UBE2J2: variants seen among roughly 807,000 people sequenced by gnomAD.
UBE2J2 encodes the protein ubiquitin conjugating enzyme E2 J2.
UBE2J2 carries 5 observed loss-of-function variants against 28.6 expected under a neutral mutation model. That is an observed-to-expected ratio of 0.17 (90% CI 0.09 to 0.37). The LOEUF (loss-of-function observed/expected upper bound fraction) is 0.37, where lower values mean the gene tolerates loss of function less well. UBE2J2 is among the 10% of genes least tolerant of loss of function. UBE2J2 has a pLI of 1.00. For missense variants in UBE2J2, 226 were observed against 338.9 expected, an observed-to-expected ratio of 0.67 and a Z score of 2.62; for synonymous variants, 138 against 139.7, an observed-to-expected ratio of 0.99 and a Z score of 0.09.
rs369784435 is a variant in UBE2J2, at chr1:1,257,112, C to T, written c.294G>A (p.Thr98=). 25 of 1,611,772 alleles carry T rather than the reference C, an allele frequency of 1.6e-5. No homozygotes were observed. The African/African-American group carries it at 3.1e-4, about 20-fold the overall frequency. Reference sequence around the variant, plus strand: ...GGTTCCACGTGTCCGGGTGGAAATCCGTGATAGAAAGACACAGCCTGCAAA... The same window carrying T: ...GGTTCCACGTGTCCGGGTGGAAATCTGTGATAGAAAGACACAGCCTGCAAA... ...KCNTRLCLSI[T]DFHPDTWNPA... The change falls in exon 5 of 7, where the codon ACG becomes ACA. Residue 98 remains threonine (T), a synonymous_variant. Transcript: ENST00000349431.
rs1024197290 is a variant in UBE2J2 at position 1,268,714 on chromosome 1, G to A, written c.1-722C>T. Among the ~76,000 whole-genome samples, 10 of 152,316 alleles carry A rather than the reference G, an allele frequency of 6.6e-5. No individual in the cohort carries two copies. Among genetic ancestry groups the A allele is most frequent in the Admixed American group, 2.6e-4 (4 of 15,304 alleles). ...ATAAGAGTTTATTTACTTATTTTTC[G>A]TGAGACAGGGTCTTGCTCTGTCGCC... On this transcript the variant is annotated intron_variant, in intron 1 of 6. Coordinates refer to ENST00000349431, the MANE Select transcript of UBE2J2 (RefSeq NM_058167.3). The surrounding 1 kb of genome is among the most constrained non-coding windows in gnomAD (Gnocchi z 4.7).
At chr1:1,260,404 G>A (rs1639487337) in intron 3 of UBE2J2, among the ~76,000 whole-genome samples, 1 of 152,234 alleles carries the variant, frequency 6.6e-6, no homozygotes, top group Non-Finnish European at 1.5e-5. Flanking sequence ...GAGCGCAGAG[G>A]GTGCTGGGAG....
chr1:1,256,886 A>AAG, intron 5 of UBE2J2, 106 bp downstream of exon 5: 51 of 1,048,184 alleles, frequency 4.9e-5, no homozygotes, highest in Middle Eastern at 3.5e-4. Context: ...ACTCCGTCTC[A>AAG]AGAAAAAAAA....
intron 2 of UBE2J2, among the ~76,000 whole-genome samples, chr1:1,267,039 C>T (rs931366951): frequency 1.3e-5 from 2 of 151,826 alleles, no homozygotes; most frequent in Admixed American, 1.3e-4. Context: ...CAGGTGTGCG[C>T]CATCATGCCC....
chr1:1,273,295 G>C (rs140729497), intron 1 of UBE2J2: 73 of 152,406 alleles, frequency 4.8e-4, no homozygotes, highest in African/African-American at 1.7e-3. Context: ...GCAGTCTGGA[G>C]TCTAACAGTT....
chr1:1,255,976 C>A (rs963040199), intron 6 of UBE2J2, 69 bp downstream of exon 6: 10 of 1,167,258 alleles, frequency 8.6e-6, no homozygotes, highest in Non-Finnish European at 1.3e-5. Context: ...AGATTTTACT[C>A]TTTGGAAAGA....
intron 5 of UBE2J2, 104 bp downstream of exon 5, chr1:1,256,888 G>GGAA: frequency 5.9e-6 from 3 of 511,090 alleles, no homozygotes; most frequent in Non-Finnish European, 7.9e-6. Context: ...TCCGTCTCAA[G>GGAA]AAAAAAAAAA....
At position 1,254,989 on chromosome 1, in the gene UBE2J2, G is replaced by A. The variant is rs1017841895; in HGVS notation, c.*214C>T. On this transcript the variant is annotated 3_prime_UTR_variant, in exon 7 of 7. Transcript: ENST00000349431. ...CAGCACACAAGGCCCACCCACACCA[G>A]CCCCAGCGGCCCGTGGCCAGGACAG... The A allele has an allele frequency of 5.7e-6, 3 of 523,972 alleles. No homozygotes were observed. The African/African-American group carries it at 5.8e-5, about 10-fold the overall frequency. The allele number at this position is 523,972 out of a possible 1,614,324, so 32.5% of individuals were successfully genotyped here.
chr1:1,262,701 C>T (rs960205221), intron 3 of UBE2J2, among the ~76,000 whole-genome samples: 1 of 152,102 alleles, frequency 6.6e-6, no homozygotes, highest in Admixed American at 6.5e-5. Context: ...GACTACTGAC[C>T]TGGTCCAGAT....
At position 1,254,017 on chromosome 1, in the gene UBE2J2, C is replaced by T. The variant is rs1199632215; in HGVS notation, c.*1186G>A. 6.6e-6 allele frequency: 1 copy of T among 152,230 alleles called. No homozygotes were observed. Among genetic ancestry groups the T allele is most frequent in the African/African-American group, 2.4e-5 (1 of 41,464 alleles). 9.4% of individuals were successfully genotyped at this position (152,230 alleles called of 1,614,324 possible). On this transcript the variant is annotated 3_prime_UTR_variant, in exon 7 of 7. Coordinates refer to ENST00000349431, the MANE Select transcript of UBE2J2 (RefSeq NM_058167.3). ...AATTCTGAATAAACTGATCAAAAAACGAAGAAAGATGAGCGCGTGCGGGCT... is the reference window on the plus strand; with the variant it reads ...AATTCTGAATAAACTGATCAAAAAATGAAGAAAGATGAGCGCGTGCGGGCT...
intron 2 of UBE2J2, among the ~76,000 whole-genome samples, chr1:1,266,963 ACTGCAAGCTCCGC>A (rs1639904446): frequency 1.3e-5 from 2 of 151,848 alleles, no homozygotes; most frequent in African/African-American, 4.8e-5. Context: ...ATCTCAGCTC[ACTGCAAGCTCCGC>A]CTCCCGGGTT....
rs1216598164 is a variant in UBE2J2, at chr1:1,268,298, G to T, written c.1-306C>A. 6.6e-6 allele frequency among the ~76,000 whole-genome samples: 1 copy of T among 152,114 alleles called. No homozygotes were observed. Among genetic ancestry groups the T allele is most frequent in the African/African-American group, 2.4e-5 (1 of 41,420 alleles). On this transcript the variant is annotated intron_variant, in intron 1 of 6. Coordinates refer to ENST00000349431, the MANE Select transcript of UBE2J2 (RefSeq NM_058167.3). This position sits in a 1 kb window ranked among gnomAD's most constrained non-coding sequence, Gnocchi z 4.7. ...AAACTCACGCAGGGATACATTTACA[G>T]GGCTTGAGGGGGTATTCGGGCCACA...
intron 3 of UBE2J2, among the ~76,000 whole-genome samples, chr1:1,261,148 G>A (rs927827860): frequency 6.6e-6 from 1 of 152,228 alleles, no homozygotes; most frequent in Non-Finnish European, 1.5e-5. Flanking sequence ...GTGGCAATTC[G>A]GAGGGGTTCC....
chr1:1,266,744 A>G (rs1639892252), intron 2 of UBE2J2, among the ~76,000 whole-genome samples: 2 of 151,512 alleles, frequency 1.3e-5, no homozygotes, highest in African/African-American at 4.9e-5. Context: ...AGAGAATGGC[A>G]TGAACCCGGC....
intron 3 of UBE2J2, chr1:1,262,821 G>A (rs867030807): frequency 2.9e-5 from 5 of 173,228 alleles, no homozygotes; most frequent in African/African-American, 1.2e-4. Flanking sequence ...ACCTGGAGGG[G>A]TCAGGCTGCT....
chr1:1,259,863 G>A (rs1180102575), intron 3 of UBE2J2, among the ~76,000 whole-genome samples: 4 of 152,276 alleles, frequency 2.6e-5, no homozygotes, highest in South Asian at 4.1e-4. Flanking sequence ...TGTGCAGAAC[G>A]CCCTGGACCC....
intron 5 of UBE2J2, 163 bp from the exon 6 acceptor site, chr1:1,256,288 T>C: frequency 1.8e-6 from 1 of 569,272 alleles, no homozygotes. Context: ...TACAAAGCCT[T>C]CTTAATCTTC....
intron 1 of UBE2J2, among the ~76,000 whole-genome samples, chr1:1,270,273 A>G (rs1300523612): frequency 6.6e-6 from 1 of 151,736 alleles, no homozygotes; most frequent in East Asian, 1.9e-4. Context: ...CACACATTCC[A>G]CCTCCTTTCA....
intron 5 of UBE2J2, 89 bp from the exon 6 acceptor site, chr1:1,256,214 C>T: frequency 2.1e-6 from 2 of 959,458 alleles, no homozygotes; most frequent in Non-Finnish European, 3.3e-6. Context: ...TCAAGGGCTG[C>T]AGTCTTCGTG....
Sources: gnomAD v4.1 joint callset for allele counts (sites outside exome capture counted in the v4.1 genomes callset) on GRCh38, gnomAD v4.1.1 for gene constraint, Gnocchi (gnomAD v3.1) non-coding constraint, MANE v1.5 for transcripts, NCBI Gene and HGNC (gene_info 2026-07-23, HGNC 2026-07-21) for gene names.